ZNF891: variants seen among roughly 807,000 people sequenced by gnomAD.
ZNF891 encodes hCG1646157.
For synonymous variants in ZNF891, 199 were observed against 209.0 expected, an observed-to-expected ratio of 0.95 and a Z score of 0.41; for missense variants, 589 against 632.7, an observed-to-expected ratio of 0.93 and a Z score of 0.74.
At position 133,117,133 on chromosome 12, in the gene ZNF891, ATCT is replaced by A. The variant is rs1347923206; in HGVS notation, c.*3148_*3150del. On this transcript the variant is annotated 3_prime_UTR_variant, in exon 2 of 2. Coordinates refer to ENST00000537226, the MANE Select transcript of ZNF891 (RefSeq NM_001277291.2). ...TGGAAGGACTTTCAAATACATAGAG[ATCT>A]TCTTCACTAAAACCTCCTTGCAGAA... The A allele has an allele frequency of 3.3e-5, 5 of 152,222 alleles. No individual in the cohort carries two copies. The highest frequency in any genetic ancestry group is 1.2e-4 in the African/African-American group (5 of 41,446). The allele number at this position is 152,222 out of a possible 1,614,324, so 9.4% of individuals were successfully genotyped here. A position where few individuals can be genotyped will look rare whatever the true frequency, so the allele number is the denominator to read the frequency against.
intron 1 of ZNF891, among the ~76,000 whole-genome samples, chr12:133,127,468 T>C (rs1955828709): frequency 6.6e-6 from 1 of 152,260 alleles, no homozygotes; most frequent in African/African-American, 2.4e-5. Flanking sequence ...CTCCATTTCC[T>C]ATCTAGCTTC....
chr12:133,126,964 G>A (rs1188489837), intron 1 of ZNF891, among the ~76,000 whole-genome samples: 1 of 143,426 alleles, frequency 7.0e-6, no homozygotes, highest in Non-Finnish European at 1.5e-5. Context: ...ACAAGTACAG[G>A]AAAACTTTTT....
At chr12:133,124,790 GGTT>G (rs1469184266) in intron 1 of ZNF891, among the ~76,000 whole-genome samples, 3 of 147,728 alleles carry the variant, frequency 2.0e-5, no homozygotes, top group Non-Finnish European at 4.5e-5. Flanking sequence ...TTGAATTCTA[GGTT>G]GTTGTTGTTT....
rs774877650 is a variant in ZNF891, at chr12:133,120,114, C to G, written c.*170G>C. The G allele has an allele frequency of 9.9e-6, 5 of 506,884 alleles. No individual in the cohort carries two copies. Among genetic ancestry groups the G allele is most frequent in the African/African-American group, 9.6e-5 (5 of 51,906 alleles). The allele number at this position is 506,884 out of a possible 1,614,324, so 31.4% of individuals were successfully genotyped here. A position where few individuals can be genotyped will look rare whatever the true frequency, so the allele number is the denominator to read the frequency against. On this transcript the variant is annotated 3_prime_UTR_variant, in exon 2 of 2. Transcript: ENST00000537226. ...CCTCACATATTAAAAATACCTAATT[C>G]TAAACAGCCATGGATCAAAAAAAGT...
intron 1 of ZNF891, among the ~76,000 whole-genome samples, chr12:133,122,594 C>A (rs1227174136): frequency 6.6e-6 from 1 of 152,074 alleles, no homozygotes; most frequent in Non-Finnish European, 1.5e-5. Context: ...TGGGGCCTGT[C>A]GGGTGAGGGC....
chr12:133,126,387 T>C (rs553698142), intron 1 of ZNF891, among the ~76,000 whole-genome samples: 102 of 144,026 alleles, frequency 7.1e-4, no homozygotes, highest in Non-Finnish European at 1.2e-3. Flanking sequence ...GGCAGGAGAA[T>C]GGCATGAACC....
chr12:133,116,171 C>A lies in ZNF891; in HGVS notation c.*4113G>T, dbSNP rs887410346. ...CTAGGCCGGAATGCAGTGGTGCGAT[C>A]TCGGCTTACCACAACCTCTGCCTCC... On this transcript the variant is annotated 3_prime_UTR_variant, in exon 2 of 2. Coordinates refer to ENST00000537226, the MANE Select transcript of ZNF891 (RefSeq NM_001277291.2). 5 of 152,388 alleles carry A rather than the reference C, an allele frequency of 3.3e-5. No homozygotes were observed. The highest frequency in any genetic ancestry group is 1.2e-4 in the African/African-American group (5 of 41,566). 9.4% of individuals were successfully genotyped at this position (152,388 alleles called of 1,614,324 possible).
chr12:133,107,074 A>T lies in ZNF891; in HGVS notation c.*13210T>A, dbSNP rs1038371742. The stretch of plus-strand genomic sequence containing the variant: ...ACAAGGGATGAGCTTTACAAAGATG[A>T]TGCACTTTGGAGATCAGAAAATTCA... On this transcript the variant is annotated 3_prime_UTR_variant, in exon 2 of 2. Transcript: ENST00000537226. 1 of 154,696 alleles carries T rather than the reference A, an allele frequency of 6.5e-6. No homozygotes were observed. Among genetic ancestry groups the T allele is most frequent in the African/African-American group, 2.4e-5 (1 of 41,508 alleles). 9.6% of individuals were successfully genotyped at this position (154,696 alleles called of 1,614,324 possible).
At position 133,105,368 on chromosome 12, in the gene ZNF891, C is replaced by T. The variant is rs1330154932; in HGVS notation, c.*14916G>A. On this transcript the variant is annotated 3_prime_UTR_variant, in exon 2 of 2. Transcript: ENST00000537226. ...CTTTTCTGAAGTTCTGGGCATACTA[C>T]TCAGATTTCAGTCACAGCTGTGAAA... is the stretch of plus-strand genomic sequence containing the variant. 1 of 796,260 alleles carries T rather than the reference C, an allele frequency of 1.3e-6. No individual in the cohort carries two copies. Among genetic ancestry groups the T allele is most frequent in the African/African-American group, 1.7e-5 (1 of 57,294 alleles). 49.3% of individuals were successfully genotyped at this position (796,260 alleles called of 1,614,324 possible).
chr12:133,121,730 A>G lies in ZNF891; in HGVS notation c.189T>C (p.Ala63=). 3 of 1,536,702 alleles carry G rather than the reference A, an allele frequency of 2.0e-6. No individual in the cohort carries two copies. Among genetic ancestry groups the G allele is most frequent in the Non-Finnish European group, 2.6e-6 (3 of 1,146,982 alleles). Residue 63 remains alanine, a synonymous_variant, in exon 2 of 2, where the codon GCT becomes GCC. Coordinates refer to ENST00000537226, the MANE Select transcript of ZNF891 (RefSeq NM_001277291.2). Reference sequence around the variant, plus strand: ...TCACATCTCTGTACAGACTTCTTTGAGCAGAATCCAGCATCATCCACTCCT... The same window carrying G: ...TCACATCTCTGTACAGACTTCTTTGGGCAGAATCCAGCATCATCCACTCCT... ...TQEEWMMLDS[A]QRSLYRDVML...
chr12:133,105,589 G>T lies in ZNF891; in HGVS notation c.*14695C>A. The T allele has an allele frequency of 6.2e-7, 1 of 1,614,090 alleles. No homozygotes were observed. Among genetic ancestry groups the T allele is most frequent in the Non-Finnish European group, 8.5e-7 (1 of 1,180,022 alleles). ...ATGACTCATCCCAGTATTTGATCAT[G>T]GAAAGAATTCTAAGTCAAGGCCCTG... is the stretch of plus-strand genomic sequence containing the variant. On this transcript the variant is annotated 3_prime_UTR_variant, in exon 2 of 2. Transcript: ENST00000537226.
Position 133,106,861 on chromosome 12 carries a change from TAAC to T in ZNF891, c.*13420_*13422del. 2.4e-6 allele frequency: 1 copy of T among 422,846 alleles called. No homozygotes were observed. The allele number at this position is 422,846 out of a possible 1,614,324, so 26.2% of individuals were successfully genotyped here. A position where few individuals can be genotyped will look rare whatever the true frequency, so the allele number is the denominator to read the frequency against. ...TAACCACTCTTTTATTTTTTTGCAA[TAAC>T]AAGGTGAAATCAATATTGTTGAGAA... On this transcript the variant is annotated 3_prime_UTR_variant, in exon 2 of 2. Transcript: ENST00000537226.
intron 1 of ZNF891, among the ~76,000 whole-genome samples, chr12:133,126,580 G>A (rs1209015664): frequency 6.6e-6 from 1 of 151,558 alleles, no homozygotes; most frequent in South Asian, 2.1e-4. Flanking sequence ...GGGAGCCGAG[G>A]TAGGCGAATC....
rs11147239 is a variant in ZNF891 at position 133,120,199 on chromosome 12, C to T, written c.*85G>A. 1.8e-6 allele frequency: 2 copies of T among 1,114,386 alleles called. No homozygotes were observed. Among genetic ancestry groups the T allele is most frequent in the East Asian group, 2.6e-5 (1 of 38,366 alleles). The allele number at this position is 1,114,386 out of a possible 1,614,324, so 69.0% of individuals were successfully genotyped here. On this transcript the variant is annotated 3_prime_UTR_variant, in exon 2 of 2. Transcript: ENST00000537226. Reference sequence around the variant, plus strand: ...AAAAGAGCCATTTGTAACCTTAAATCGTTCTTTTAGAGAACAAAGACTGAG... The same window carrying T: ...AAAAGAGCCATTTGTAACCTTAAATTGTTCTTTTAGAGAACAAAGACTGAG...
In ZNF891 at chr12:133,112,249, G is replaced by A. The variant is rs1236300019; in HGVS notation, c.*8035C>T. 1 of 152,120 alleles carries A rather than the reference G, an allele frequency of 6.6e-6. No individual in the cohort carries two copies. The highest frequency in any genetic ancestry group is 1.5e-5 in the Non-Finnish European group (1 of 68,048). The allele number at this position is 152,120 out of a possible 1,614,324, so 9.4% of individuals were successfully genotyped here. A position where few individuals can be genotyped will look rare whatever the true frequency, so the allele number is the denominator to read the frequency against. On this transcript the variant is annotated 3_prime_UTR_variant, in exon 2 of 2. Transcript: ENST00000537226. ...CTCTGTCCCTCCACCCTCTGCCCAT[G>A]GAGCCAGAAGAAGGAGCTCCCTACT...
At chr12:133,123,218 G>A (rs1207802575) in intron 1 of ZNF891, among the ~76,000 whole-genome samples, 3 of 152,248 alleles carry the variant, frequency 2.0e-5, no homozygotes, top group South Asian at 2.1e-4. Flanking sequence ...AACCAGGAGC[G>A]TATATAGGTC....
Position 133,120,293 on chromosome 12 carries a change from TTC to T in ZNF891, c.1624_1625del (p.Glu542AsnfsTer16), listed in dbSNP as rs1195422382. On this transcript the variant is annotated frameshift_variant, in exon 2 of 2. Transcript: ENST00000537226. LOFTEE classifies it high-confidence loss of function. Reference protein sequence around the residue: ...IIHKRIHTERETL With the variant: ...IIHKRIHTERXTL ...TCCACATTCATAACACTTACAGGGT[TTC>T]TCTCTCAGTATGAATTCTCTTGTGT... 2 of 1,532,584 alleles carry T rather than the reference TTC, an allele frequency of 1.3e-6. No homozygotes were observed. The highest frequency in any genetic ancestry group is 1.8e-6 in the Non-Finnish European group (2 of 1,141,746). 94.9% of individuals were successfully genotyped at this position (1,532,584 alleles called of 1,614,324 possible). A position where few individuals can be genotyped will look rare whatever the true frequency, so the allele number is the denominator to read the frequency against.
At position 133,107,322 on chromosome 12, in the gene ZNF891, G is replaced by C. The variant is rs1477865784; in HGVS notation, c.*12962C>G. 1 of 152,206 alleles carries C rather than the reference G, an allele frequency of 6.6e-6. No individual in the cohort carries two copies. The highest frequency in any genetic ancestry group is 1.5e-5 in the Non-Finnish European group (1 of 68,032). 9.4% of individuals were successfully genotyped at this position (152,206 alleles called of 1,614,324 possible). On this transcript the variant is annotated 3_prime_UTR_variant, in exon 2 of 2. Coordinates refer to ENST00000537226, the MANE Select transcript of ZNF891 (RefSeq NM_001277291.2). Reference sequence around the variant, plus strand: ...CTTAGATATCTGAAAAGTCATACTGGATGGAATCTGTAGGAAACGGTTCTA... The same window carrying C: ...CTTAGATATCTGAAAAGTCATACTGCATGGAATCTGTAGGAAACGGTTCTA...
intron 1 of ZNF891, among the ~76,000 whole-genome samples, chr12:133,123,976 T>C (rs1471776651): frequency 1.3e-5 from 2 of 152,204 alleles, no homozygotes; most frequent in Non-Finnish European, 2.9e-5. Flanking sequence ...GGATTTTGAT[T>C]AATCTATGTA....
Sources: allele counts gnomAD v4.1 joint callset (sites outside exome capture counted in the v4.1 genomes callset), GRCh38; gene constraint gnomAD v4.1.1; transcripts MANE v1.5; gene names NCBI Gene and HGNC (gene_info 2026-07-23, HGNC 2026-07-21).